Variants in VTI1A observed in about 807,000 individuals in gnomAD.
VTI1A encodes vesicle transport through interaction with t-SNAREs 1A.
Under a neutral mutation model 34.9 loss-of-function variants are expected in VTI1A, and 22 were observed. The observed-to-expected ratio is 0.63, with a 90% CI of 0.45 to 0.90. The LOEUF (loss-of-function observed/expected upper bound fraction) is 0.90, where lower values mean the gene tolerates loss of function less well. Ranked by LOEUF, VTI1A falls within the 40% of genes least tolerant of loss-of-function variation. VTI1A has a pLI of 0.00. For synonymous variants in VTI1A, 87 were observed against 97.3 expected (o/e 0.89, Z 0.62); for missense variants, 268 against 275.6 (o/e 0.97, Z 0.20).
the VTI1A span, chr10:112,827,674 TCC>T: frequency 6.6e-6 from 1 of 152,220 alleles, no homozygotes; most frequent in Non-Finnish European, 1.5e-5. Context: ...GATTGTTGTT[TCC>T]TGGAATAACT....
intron 7 of VTI1A, among the ~76,000 whole-genome samples, chr10:112,689,594 G>A (rs1474088399): frequency 1.3e-5 from 2 of 152,152 alleles, no homozygotes; most frequent in African/African-American, 4.8e-5. Context: ...TTCTTCCTGA[G>A]CCCAGCCCTG....
chr10:112,646,777 C>T (rs1846806918), intron 5 of VTI1A, among the ~76,000 whole-genome samples: 1 of 152,118 alleles, frequency 6.6e-6, no homozygotes, highest in Non-Finnish European at 1.5e-5. Flanking sequence ...TCCCAAAGTG[C>T]TGGAATTACA....
In VTI1A at chr10:112,520,641, GTGTGTGTATA is replaced by G. The variant is rs1352681874; in HGVS notation, c.265-6444_265-6435del. Among the ~76,000 whole-genome samples, 240 of 111,452 alleles carry G rather than the reference GTGTGTGTATA, an allele frequency of 2.2e-3. 3 individuals are homozygous for G. Among genetic ancestry groups the G allele is most frequent in the Middle Eastern group, 0.018 (4 of 218 alleles). 73.1% of individuals were successfully genotyped at this position (111,452 alleles called of 152,430 possible). A position where few individuals can be genotyped will look rare whatever the true frequency, so the allele number is the denominator to read the frequency against. On this transcript the variant is annotated intron_variant, in intron 3 of 7. Transcript: ENST00000393077. ...TCTATATGTGTGTGTGTGTGTGTGT[GTGTGTGTATA>G]TATATATATATATATATATATAAAA...
At chr10:112,836,857 T>C in the VTI1A span, among the ~76,000 whole-genome samples, 24 of 152,332 alleles carry the variant, frequency 1.6e-4, no homozygotes, top group African/African-American at 5.8e-4. Context: ...CTGCTACCAG[T>C]CGTTTCTACC....
At chr10:112,646,666 G>A (rs374041556) in intron 5 of VTI1A, among the ~76,000 whole-genome samples, 53 of 152,002 alleles carry the variant, frequency 3.5e-4, no homozygotes, top group African/African-American at 1.2e-3. Context: ...GTGCCACCAC[G>A]TCCAGCTAAT....
chr10:112,670,944 G>T (rs771930273), intron 7 of VTI1A, among the ~76,000 whole-genome samples: 47 of 152,184 alleles, frequency 3.1e-4, no homozygotes, highest in Non-Finnish European at 8.8e-5. Context: ...TATCAGCCAG[G>T]ATATTCAGAT....
chr10:112,746,037 C>T (rs1398703392), intron 7 of VTI1A, among the ~76,000 whole-genome samples: 1 of 152,200 alleles, frequency 6.6e-6, no homozygotes, highest in Non-Finnish European at 1.5e-5. Flanking sequence ...AAGTACATAG[C>T]CATTGGTCAA....
At chr10:112,640,964 A>G (rs1044272612) in intron 5 of VTI1A, among the ~76,000 whole-genome samples, 1 of 152,230 alleles carries the variant, frequency 6.6e-6, no homozygotes, top group Non-Finnish European at 1.5e-5. Flanking sequence ...TTTCTAGCCA[A>G]CAATGGACCA....
At chr10:112,811,061 G>A (rs1853270262) in intron 7 of VTI1A, among the ~76,000 whole-genome samples, 1 of 152,194 alleles carries the variant, frequency 6.6e-6, no homozygotes, top group African/African-American at 2.4e-5. Context: ...AGAGGCGGAC[G>A]GTAGCGTTAT....
the VTI1A span, among the ~76,000 whole-genome samples, chr10:112,838,543 A>C: frequency 2.0e-5 from 3 of 152,178 alleles, no homozygotes; most frequent in Admixed American, 2.0e-4. Flanking sequence ...TATTGAAAGC[A>C]TCAGGACACC....
At chr10:112,579,449 C>G (rs1261234740) in intron 5 of VTI1A, among the ~76,000 whole-genome samples, 1 of 152,094 alleles carries the variant, frequency 6.6e-6, no homozygotes, top group Non-Finnish European at 1.5e-5. Flanking sequence ...CACCTGTAAT[C>G]GCAGCACTTT....
chr10:112,496,185 A>ACCCCCCCCCC (rs66554158), intron 3 of VTI1A, among the ~76,000 whole-genome samples: 131 of 27,828 alleles, frequency 4.7e-3, no homozygotes, highest in African/African-American at 5.6e-3. Context: ...AAATGGGGAG[A>ACCCCCCCCCC]CCCCCCCCCC....
At chr10:112,723,910 A>G (rs1849907318) in intron 7 of VTI1A, among the ~76,000 whole-genome samples, 1 of 152,356 alleles carries the variant, frequency 6.6e-6, no homozygotes, top group South Asian at 2.1e-4. Context: ...GATTCTATCA[A>G]GATAGCCTCT....
At chr10:112,466,964 A>G (rs1262427487) in intron 3 of VTI1A, among the ~76,000 whole-genome samples, 1 of 152,118 alleles carries the variant, frequency 6.6e-6, no homozygotes, top group Non-Finnish European at 1.5e-5. Flanking sequence ...ATTTCCTCAT[A>G]TAAGACATCA....
intron 5 of VTI1A, among the ~76,000 whole-genome samples, chr10:112,635,551 G>A (rs1370637218): frequency 6.6e-6 from 1 of 152,150 alleles, no homozygotes; most frequent in African/African-American, 2.4e-5. Context: ...TGGTGTTTTA[G>A]GAAGATTTTA....
At chr10:112,540,674 C>T (rs144454424) in intron 5 of VTI1A, among the ~76,000 whole-genome samples, 132 of 152,298 alleles carry the variant, frequency 8.7e-4, no homozygotes, top group Middle Eastern at 6.8e-3. Context: ...CATATTGCTT[C>T]GTATTTCCTG....
At chr10:112,823,951 A>C in the VTI1A span, 1 of 152,290 alleles carries the variant, frequency 6.6e-6, no homozygotes, top group Non-Finnish European at 1.5e-5. Context: ...GGGCTCAGAG[A>C]GGGGACAAGA....
intron 7 of VTI1A, among the ~76,000 whole-genome samples, chr10:112,671,264 C>T (rs532507788): frequency 1.3e-5 from 2 of 152,304 alleles, no homozygotes; most frequent in Non-Finnish European, 2.9e-5. Flanking sequence ...AGAAAAGCCA[C>T]ATTCTCTTAC....
chr10:112,714,739 A>G (rs1264996791), intron 7 of VTI1A, among the ~76,000 whole-genome samples: 1 of 152,240 alleles, frequency 6.6e-6, no homozygotes, highest in Admixed American at 6.5e-5. Context: ...GCACAGGAGG[A>G]TCAGGAAAAT....
Sources: allele counts gnomAD v4.1 joint callset (sites outside exome capture counted in the v4.1 genomes callset), GRCh38; gene constraint gnomAD v4.1.1; transcripts MANE v1.5; gene names NCBI Gene and HGNC (gene_info 2026-07-23, HGNC 2026-07-21).